C7orf78: variants seen among roughly 807,000 people sequenced by gnomAD.
The protein encoded by C7orf78 is chromosome 7 open reading frame 78.
At chr7:12,525,865 C>A in the C7orf78 span, 141 of 396,716 alleles carry the variant, frequency 3.6e-4, 1 homozygote, top group African/African-American at 2.3e-3. Flanking sequence ...TGAAAAGGAC[C>A]CCTTTGGATT....
At chr7:12,496,330 T>A in the C7orf78 span, 1 of 152,224 alleles carries the variant, frequency 6.6e-6, no homozygotes, top group African/African-American at 2.4e-5. Context: ...CTACATATAA[T>A]TGAAGTCAGT....
chr7:12,484,613 G>A, the C7orf78 span, among the ~76,000 whole-genome samples: 4 of 152,080 alleles, frequency 2.6e-5, no homozygotes, highest in East Asian at 7.7e-4. Context: ...TATATATTAT[G>A]CTGTTACCAT....
At chr7:12,486,553 A>T in the C7orf78 span, among the ~76,000 whole-genome samples, 1 of 151,996 alleles carries the variant, frequency 6.6e-6, no homozygotes, top group Non-Finnish European at 1.5e-5. Flanking sequence ...ATTTCTGTAT[A>T]TAGGGAAGGA....
chr7:12,530,948 A>T, the C7orf78 span: 302 of 397,856 alleles, frequency 7.6e-4, no homozygotes, highest in African/African-American at 5.7e-3. Flanking sequence ...AAATTTTAAC[A>T]AGTAAACAAT....
At chr7:12,531,600 G>T in the C7orf78 span, among the ~76,000 whole-genome samples, 1 of 152,036 alleles carries the variant, frequency 6.6e-6, no homozygotes, top group African/African-American at 2.4e-5. Context: ...TACTATTATT[G>T]TTAATGATAA....
the C7orf78 span, chr7:12,523,409 C>G: frequency 1.5e-5 from 6 of 397,984 alleles, no homozygotes; most frequent in African/African-American, 4.1e-5. Flanking sequence ...CAATCCCAAA[C>G]CACATGACTT....
the C7orf78 span, among the ~76,000 whole-genome samples, chr7:12,493,456 T>A: frequency 6.6e-6 from 1 of 152,218 alleles, no homozygotes; most frequent in Non-Finnish European, 1.5e-5. Context: ...CCTGGAAGGC[T>A]TGTGAAAACA....
At chr7:12,531,548 A>G in the C7orf78 span, among the ~76,000 whole-genome samples, 1 of 152,144 alleles carries the variant, frequency 6.6e-6, no homozygotes, top group Non-Finnish European at 1.5e-5. Context: ...TGATATATAC[A>G]AACTGCTGGC....
chr7:12,516,856 C>T, the C7orf78 span, among the ~76,000 whole-genome samples: 1 of 152,102 alleles, frequency 6.6e-6, no homozygotes. Context: ...ATACCTGTAC[C>T]CCCATTGTAT....
At chr7:12,536,256 A>T in the C7orf78 span, among the ~76,000 whole-genome samples, 6 of 152,040 alleles carry the variant, frequency 3.9e-5, no homozygotes, top group Admixed American at 3.3e-4. Flanking sequence ...AGGCTCCCAA[A>T]CCTCAATTCT....
chr7:12,504,535 A>G, the C7orf78 span: 1 of 152,318 alleles, frequency 6.6e-6, no homozygotes, highest in African/African-American at 2.4e-5. Context: ...ATGAAAAGCT[A>G]TCTTTCAAAT....
chr7:12,521,695 T>G, the C7orf78 span, among the ~76,000 whole-genome samples: 1 of 142,716 alleles, frequency 7.0e-6, no homozygotes, highest in Non-Finnish European at 1.5e-5. Flanking sequence ...GAGGCCACCC[T>G]CCATACTGCT....
At chr7:12,495,388 G>A in the C7orf78 span, among the ~76,000 whole-genome samples, 1 of 152,158 alleles carries the variant, frequency 6.6e-6, no homozygotes, top group East Asian at 1.9e-4. Context: ...TTTCCAAAGG[G>A]TGCCAGCTCA....
At chr7:12,532,445 T>A in the C7orf78 span, among the ~76,000 whole-genome samples, 3 of 150,722 alleles carry the variant, frequency 2.0e-5, no homozygotes, top group Non-Finnish European at 3.0e-5. Context: ...GCTCCTTAGG[T>A]GGCTGAGGCA....
chr7:12,526,286 T>C, the C7orf78 span, among the ~76,000 whole-genome samples: 6 of 152,116 alleles, frequency 3.9e-5, no homozygotes, highest in Non-Finnish European at 5.9e-5. Flanking sequence ...ATCTACATCA[T>C]AGAATTACTG....
the C7orf78 span, among the ~76,000 whole-genome samples, chr7:12,503,405 T>C: frequency 6.6e-6 from 1 of 152,028 alleles, no homozygotes; most frequent in East Asian, 1.9e-4. Context: ...TTCTTATCTT[T>C]TGGGGGTAAC....
At chr7:12,491,835 C>A in the C7orf78 span, 1 of 152,110 alleles carries the variant, frequency 6.6e-6, no homozygotes, top group African/African-American at 2.4e-5. Context: ...TATTTTGCTG[C>A]CTTCATGACA....
chr7:12,519,902 C>T, the C7orf78 span, among the ~76,000 whole-genome samples: 10 of 152,314 alleles, frequency 6.6e-5, no homozygotes, highest in African/African-American at 2.4e-4. Context: ...TGGCTAGGCT[C>T]TCACAGTGGT....
At chr7:12,513,054 T>C in the C7orf78 span, among the ~76,000 whole-genome samples, 5 of 151,102 alleles carry the variant, frequency 3.3e-5, no homozygotes, top group Non-Finnish European at 5.9e-5. Flanking sequence ...CTTAGAGTCT[T>C]TTTTATTCTT....
Sources: allele counts gnomAD v4.1 joint callset (sites outside exome capture counted in the v4.1 genomes callset), GRCh38; gene constraint gnomAD v4.1.1; transcripts MANE v1.5; gene names NCBI Gene and HGNC (gene_info 2026-07-23, HGNC 2026-07-21).